Variants in GPR137C observed in about 807,000 individuals in gnomAD.
The protein encoded by GPR137C is G protein-coupled receptor 137C, also known as integral membrane protein GPR137C.
In GPR137C, 27 loss-of-function variants were observed where a neutral mutation model predicts 43.4. That is an observed-to-expected ratio of 0.62 (90% CI 0.46 to 0.86). The LOEUF (loss-of-function observed/expected upper bound fraction) is 0.86. GPR137C is among the 40% of genes least tolerant of loss of function. The probability of loss-of-function intolerance (pLI) is 0.00; values close to 1 mark genes in which losing one functional copy is unlikely to be tolerated. For missense variants in GPR137C, 522 were observed against 534.6 expected (o/e 0.98, Z 0.23); for synonymous variants, 285 against 226.9 (o/e 1.26, Z -2.30).
intron 1 of GPR137C, among the ~76,000 whole-genome samples, chr14:52,558,187 C>A (rs1374437050): frequency 6.6e-6 from 1 of 151,578 alleles, no homozygotes; most frequent in Non-Finnish European, 1.5e-5. Context: ...TCAGCTGCCT[C>A]CTGTTAGCCT....
intron 1 of GPR137C, among the ~76,000 whole-genome samples, chr14:52,579,182 G>T (rs72684251): frequency 5.3e-5 from 8 of 152,234 alleles, no homozygotes; most frequent in African/African-American, 1.7e-4. Flanking sequence ...GGGTTGGGGT[G>T]GGGGAGAATC....
chr14:52,586,396 G>C (rs907913647), intron 1 of GPR137C, among the ~76,000 whole-genome samples: 3 of 152,186 alleles, frequency 2.0e-5, no homozygotes, highest in African/African-American at 7.2e-5. Context: ...CTTCTGCTCT[G>C]TCAATCTGAA....
At chr14:52,633,733 G>A in intron 5 of GPR137C, 78 bp downstream of exon 5, 1 of 1,563,992 alleles carries the variant, frequency 6.4e-7, no homozygotes, top group Non-Finnish European at 8.7e-7. Context: ...TTCTATTTTT[G>A]GCAAAGGTTA....
At chr14:52,617,514 A>T (rs994624651) in intron 3 of GPR137C, among the ~76,000 whole-genome samples, 1 of 152,108 alleles carries the variant, frequency 6.6e-6, no homozygotes, top group Non-Finnish European at 1.5e-5. Flanking sequence ...CCCTGTCTCT[A>T]CTAAAAATAC....
At chr14:52,628,631 A>C (rs898358703) in intron 3 of GPR137C, among the ~76,000 whole-genome samples, 2 of 152,144 alleles carry the variant, frequency 1.3e-5, no homozygotes, top group Admixed American at 1.3e-4. Flanking sequence ...CTCCGTCTCT[A>C]CTAAAAATAC....
intron 1 of GPR137C, among the ~76,000 whole-genome samples, chr14:52,586,690 G>A (rs985383819): frequency 1.3e-5 from 2 of 152,126 alleles, no homozygotes; most frequent in African/African-American, 4.8e-5. Flanking sequence ...ATTCTACTGA[G>A]TTTCAGCTGT....
Position 52,635,125 on chromosome 14 carries a change from C to T in GPR137C, c.*10C>T. On this transcript the variant is annotated 3_prime_UTR_variant, in exon 7 of 7. Coordinates refer to ENST00000321662, the MANE Select transcript of GPR137C (RefSeq NM_001099652.2). ...GACACCACAAAACTGACAGCATCACCAAGTCATGATTCTTGAGTTGTTTTT... is the reference window on the plus strand; with the variant it reads ...GACACCACAAAACTGACAGCATCACTAAGTCATGATTCTTGAGTTGTTTTT... The T allele has an allele frequency of 6.5e-7, 1 of 1,544,102 alleles. No individual in the cohort carries two copies. Among genetic ancestry groups the T allele is most frequent in the Non-Finnish European group, 8.7e-7 (1 of 1,148,282 alleles).
chr14:52,585,860 C>T (rs1037551236), intron 1 of GPR137C, among the ~76,000 whole-genome samples: 1 of 151,888 alleles, frequency 6.6e-6, no homozygotes, highest in Non-Finnish European at 1.5e-5. Context: ...GAAAAGAAAA[C>T]ACAAGACCCA....
chr14:52,609,566 G>A (rs554371516), intron 3 of GPR137C, among the ~76,000 whole-genome samples: 109 of 152,266 alleles, frequency 7.2e-4, no homozygotes, highest in African/African-American at 2.6e-3. Flanking sequence ...GGCCTTCCAG[G>A]GATTCTAAAC....
Position 52,632,301 on chromosome 14 carries a change from T to C in GPR137C, c.859T>C (p.Ser287Pro). The part of the protein sequence containing the change: ...SPFNYGWDNL[S>P]DKAHVEDISG... ...ATTTAATTATGGCTGGGATAATCTTTCAGATAAGGTAAATACCTACCACGT... is the reference window on the plus strand; with the variant it reads ...ATTTAATTATGGCTGGGATAATCTTCCAGATAAGGTAAATACCTACCACGT... The change falls in exon 4 of 7, where the codon TCA (serine) becomes CCA (proline). Residue 287 changes from serine to proline, a missense_variant. This residue lies in a region of GPR137C where 437 missense variants were observed against 425.7 expected (regional missense o/e 1.03). Coordinates refer to ENST00000321662, the MANE Select transcript of GPR137C (RefSeq NM_001099652.2). 6.2e-7 allele frequency: 1 copy of C among 1,608,662 alleles called. No individual in the cohort carries two copies. The highest frequency in any genetic ancestry group is 8.5e-7 in the Non-Finnish European group (1 of 1,176,644).
At chr14:52,577,249 C>A (rs1369909995) in intron 1 of GPR137C, among the ~76,000 whole-genome samples, 1 of 137,032 alleles carries the variant, frequency 7.3e-6, no homozygotes, top group Non-Finnish European at 1.6e-5. Flanking sequence ...CCTGAGTGAT[C>A]TATGGGTAAA....
At chr14:52,618,927 A>C (rs553102589) in intron 3 of GPR137C, among the ~76,000 whole-genome samples, 1 of 152,184 alleles carries the variant, frequency 6.6e-6, no homozygotes. Flanking sequence ...GGCCAGGGAC[A>C]TGTACAATTT....
intron 3 of GPR137C, among the ~76,000 whole-genome samples, chr14:52,626,135 A>C (rs2039224483): frequency 6.6e-6 from 1 of 152,230 alleles, no homozygotes; most frequent in South Asian, 2.1e-4. Context: ...GGATGTGCAC[A>C]TTATATGTAA....
At chr14:52,576,290 A>G (rs1439777295) in intron 1 of GPR137C, among the ~76,000 whole-genome samples, 9 of 152,204 alleles carry the variant, frequency 5.9e-5, no homozygotes, top group Admixed American at 2.0e-4. Flanking sequence ...TGTTGTTGCA[A>G]TTGATAGAAT....
chr14:52,633,006 T>C (rs779013974), intron 4 of GPR137C, among the ~76,000 whole-genome samples: 53 of 152,262 alleles, frequency 3.5e-4, no homozygotes, highest in Non-Finnish European at 4.0e-4. Flanking sequence ...TTTTCACATG[T>C]GGTTCCTTGT....
chr14:52,636,952 G>C lies in GPR137C; in HGVS notation c.*1837G>C, dbSNP rs992936197. 1 of 152,134 alleles carries C rather than the reference G, an allele frequency of 6.6e-6. No homozygotes were observed. The highest frequency in any genetic ancestry group is 2.4e-5 in the African/African-American group (1 of 41,450). 9.4% of individuals were successfully genotyped at this position (152,134 alleles called of 1,614,324 possible). ...GTTAGGCATCTAATCATCTAGAGCT[G>C]TCCAAAAAGATATGTTGTCTTTGTT... On this transcript the variant is annotated 3_prime_UTR_variant, in exon 7 of 7. Transcript: ENST00000321662.
intron 3 of GPR137C, among the ~76,000 whole-genome samples, chr14:52,616,486 G>T (rs1312301338): frequency 6.6e-6 from 1 of 152,114 alleles, no homozygotes; most frequent in African/African-American, 2.4e-5. Flanking sequence ...GTACAGATGG[G>T]TTTCACCACG....
chr14:52,630,195 T>C (rs2039278647), intron 3 of GPR137C, among the ~76,000 whole-genome samples: 1 of 152,202 alleles, frequency 6.6e-6, no homozygotes, highest in Non-Finnish European at 1.5e-5. Flanking sequence ...AATTCGGCAT[T>C]ATTGCTTCTT....
intron 3 of GPR137C, among the ~76,000 whole-genome samples, chr14:52,619,959 G>A (rs185449493): frequency 2.0e-5 from 3 of 152,238 alleles, no homozygotes; most frequent in Admixed American, 1.3e-4. Context: ...ACGATTCTAT[G>A]TCTGGTAATG....
Sources: gnomAD v4.1 joint callset for allele counts (sites outside exome capture counted in the v4.1 genomes callset) on GRCh38, gnomAD v4.1.1 for gene constraint, gnomAD v4.1.1 regional missense constraint, MANE v1.5 for transcripts, NCBI Gene and HGNC (gene_info 2026-07-23, HGNC 2026-07-21) for gene names.